RANBP17: variants seen among roughly 807,000 people sequenced by gnomAD.
The protein encoded by RANBP17 is ran-binding protein 17.
In RANBP17, 158 loss-of-function variants were observed where a neutral mutation model predicts 141.2. The observed-to-expected ratio is 1.12, with a 90% CI of 0.98 to 1.28. The LOEUF is 1.28. Among genes scored for constraint, RANBP17 ranks in the 50% most tolerant of loss-of-function variants. The pLI, the probability that RANBP17 is intolerant of heterozygous loss-of-function variation, is 0.00. For missense variants in RANBP17, 1,438 were observed against 1,290.7 expected (o/e 1.11, Z -1.75); for synonymous variants, 430 against 450.0 (o/e 0.96, Z 0.56).
At chr5:171,113,690 G>A (rs1279465676) in intron 14 of RANBP17, among the ~76,000 whole-genome samples, 1 of 152,240 alleles carries the variant, frequency 6.6e-6, no homozygotes, top group East Asian at 1.9e-4. Flanking sequence ...TCAGACCTAG[G>A]CACTTTGAGT....
chr5:170,969,892 A>G (rs890891642), intron 14 of RANBP17, among the ~76,000 whole-genome samples: 3 of 152,012 alleles, frequency 2.0e-5, no homozygotes, highest in Non-Finnish European at 4.4e-5. Flanking sequence ...ATCTTACCCT[A>G]TTAAAGGAAG....
intron 15 of RANBP17, among the ~76,000 whole-genome samples, 169 bp from the exon 16 acceptor site, chr5:171,171,037 A>G (rs1453208834): frequency 6.6e-6 from 1 of 152,124 alleles, no homozygotes; most frequent in African/African-American, 2.4e-5. Context: ...ATTGCATATA[A>G]TTTTGAATAT....
At chr5:171,203,506 G>T (rs1581015515) in intron 19 of RANBP17, among the ~76,000 whole-genome samples, 2 of 151,962 alleles carry the variant, frequency 1.3e-5, no homozygotes, top group East Asian at 3.9e-4. Context: ...CTGTTCAGTT[G>T]AATTCATTTA....
chr5:171,034,466 T>C (rs777249012), intron 14 of RANBP17, among the ~76,000 whole-genome samples: 9 of 152,238 alleles, frequency 5.9e-5, no homozygotes, highest in African/African-American at 1.2e-4. Flanking sequence ...AAGCTTAGAA[T>C]TGGCTGAGGG....
intron 14 of RANBP17, among the ~76,000 whole-genome samples, chr5:171,113,112 C>T (rs1278747109): frequency 6.6e-6 from 1 of 152,144 alleles, no homozygotes; most frequent in Non-Finnish European, 1.5e-5. Flanking sequence ...AATCAGGGAA[C>T]CCACCCAAAC....
intron 12 of RANBP17, among the ~76,000 whole-genome samples, chr5:170,934,802 G>A (rs1283830440): frequency 6.6e-6 from 1 of 152,144 alleles, no homozygotes; most frequent in Non-Finnish European, 1.5e-5. Context: ...CTCTTCTCAA[G>A]GAGTATCTTT....
At chr5:170,966,129 T>A (rs1158148511) in intron 13 of RANBP17, among the ~76,000 whole-genome samples, 6 of 151,940 alleles carry the variant, frequency 3.9e-5, no homozygotes, top group African/African-American at 1.5e-4. Flanking sequence ...GAGGAACTGG[T>A]ACCATTCCTT....
At chr5:171,158,623 C>T (rs1437194911) in intron 14 of RANBP17, 1 of 169,938 alleles carries the variant, frequency 5.9e-6, no homozygotes, top group Non-Finnish European at 1.3e-5. Context: ...TTTGTTGTAA[C>T]CTTTTTTTTT....
Position 170,924,337 on chromosome 5 carries a change from AACTTATTCTGT to A in RANBP17, c.1275-19_1275-9del. 6.6e-7 allele frequency: 1 copy of A among 1,521,832 alleles called. No homozygotes were observed. The highest frequency in any genetic ancestry group is 9.0e-7 in the Non-Finnish European group (1 of 1,113,666). 94.3% of individuals were successfully genotyped at this position (1,521,832 alleles called of 1,614,324 possible). On this transcript the variant is annotated splice_polypyrimidine_tract_variant and intron_variant, in intron 11 of 27. Transcript: ENST00000523189. ...GCTTCACATTCTAATGTTGTCTGCA[AACTTATTCTGT>A]GTTTGCAGAGATCACTTAGATGATC...
At position 171,170,139 on chromosome 5, in the gene RANBP17, C is replaced by G; in HGVS notation, c.1720C>G (p.Arg574Gly). Residue 574 changes from arginine to glycine, a missense_variant, in exon 15 of 28, where the codon CGT (arginine) becomes GGT (glycine). By Grantham distance (125) the Arg-to-Gly change is moderately radical. Transcript: ENST00000523189. ...AAATGTTTTAATGCAGGTATATGCT[C>G]GTATGTCAGAAGTCTTAGGAATAAC... ...QLQRTSKVYA[R>G]MSEVLGITDD... 1.9e-6 allele frequency: 3 copies of G among 1,566,064 alleles called. No homozygotes were observed. Among genetic ancestry groups the G allele is most frequent in the Non-Finnish European group, 8.7e-7 (1 of 1,148,398 alleles).
intron 18 of RANBP17, among the ~76,000 whole-genome samples, chr5:171,198,198 A>G: frequency 6.6e-6 from 1 of 152,256 alleles, no homozygotes; most frequent in Non-Finnish European, 1.5e-5. Context: ...CAGTTAACAG[A>G]GAAGAGTGTA....
intron 5 of RANBP17, among the ~76,000 whole-genome samples, chr5:170,902,021 G>C (rs1435160979): frequency 1.3e-5 from 2 of 152,132 alleles, no homozygotes; most frequent in Non-Finnish European, 2.9e-5. Context: ...TTCTCTAGGA[G>C]TATCTTTGTG....
At chr5:170,877,078 A>G (rs1768242516) in intron 1 of RANBP17, among the ~76,000 whole-genome samples, 1 of 151,850 alleles carries the variant, frequency 6.6e-6, no homozygotes. Flanking sequence ...TCGTCATGAG[A>G]TTAGATTTAT....
At chr5:171,045,493 T>C (rs1782523556) in intron 14 of RANBP17, among the ~76,000 whole-genome samples, 1 of 152,146 alleles carries the variant, frequency 6.6e-6, no homozygotes, top group South Asian at 2.1e-4. Flanking sequence ...AAAAGAAAGA[T>C]TTATAGTAAT....
intron 23 of RANBP17, 145 bp from the exon 24 acceptor site, chr5:171,242,537 A>G: frequency 1.3e-6 from 1 of 789,696 alleles, no homozygotes; most frequent in Non-Finnish European, 2.0e-6. Flanking sequence ...ATTGGGACTC[A>G]TTATGTCATT....
chr5:171,267,685 T>G (rs752554521), intron 25 of RANBP17, among the ~76,000 whole-genome samples: 7 of 152,042 alleles, frequency 4.6e-5, no homozygotes, highest in Non-Finnish European at 7.4e-5. Context: ...TGTGTGCCTG[T>G]ATTCCCAGCT....
In RANBP17 at chr5:170,968,720, C is replaced by T. The variant is rs113498051; in HGVS notation, c.1710+343C>T. 2,047 of 458,990 alleles carry T rather than the reference C, an allele frequency of 4.5e-3. 33 individuals are homozygous for T. The highest frequency in any genetic ancestry group is 0.038 in the African/African-American group (1,890 of 50,202). 28.4% of individuals were successfully genotyped at this position (458,990 alleles called of 1,614,324 possible). A position where few individuals can be genotyped will look rare whatever the true frequency, so the allele number is the denominator to read the frequency against. On this transcript the variant is annotated intron_variant, in intron 14 of 27. Coordinates refer to ENST00000523189, the MANE Select transcript of RANBP17 (RefSeq NM_022897.5). ...TAGTAGTTCCAGGGTTTTTTGGACACTTATTTATTTATGTGGCTTCTAGTA... is the reference window on the plus strand; with the variant it reads ...TAGTAGTTCCAGGGTTTTTTGGACATTTATTTATTTATGTGGCTTCTAGTA...
intron 14 of RANBP17, among the ~76,000 whole-genome samples, chr5:171,163,240 A>G (rs2127861310): frequency 6.6e-6 from 1 of 152,340 alleles, no homozygotes; most frequent in East Asian, 1.9e-4. Flanking sequence ...TTAGTCACCC[A>G]GGATTAATGT....
intron 14 of RANBP17, among the ~76,000 whole-genome samples, chr5:171,062,354 A>G (rs367901731): frequency 1.4e-4 from 21 of 152,188 alleles, no homozygotes; most frequent in Admixed American, 1.1e-3. Context: ...GGGCAGGCCT[A>G]GTGGTGACAA....
Sources: allele counts gnomAD v4.1 joint callset (sites outside exome capture counted in the v4.1 genomes callset), GRCh38; gene constraint gnomAD v4.1.1; transcripts MANE v1.5; gene names NCBI Gene and HGNC (gene_info 2026-07-23, HGNC 2026-07-21).